The following TRAPPC5 variants were observed in gnomAD, a reference collection of about 807,000 sequenced individuals.
TRAPPC5 encodes the protein trafficking protein particle complex 5.
TRAPPC5 carries 5 observed loss-of-function variants against 9.8 expected under a neutral mutation model. The ratio of observed to expected loss-of-function variants is 0.51; its 90% CI spans 0.27 to 1.07. The LOEUF (loss-of-function observed/expected upper bound fraction) is 1.07, where lower values mean the gene tolerates loss of function less well. Among genes scored for constraint, TRAPPC5 ranks in the 50% least tolerant of loss-of-function variants. The pLI, the probability that TRAPPC5 is intolerant of heterozygous loss-of-function variation, is 0.12. For missense variants in TRAPPC5, 243 were observed against 291.5 expected (o/e 0.83, Z 1.21); for synonymous variants, 146 against 140.7 (o/e 1.04, Z -0.26).
chr19:7,682,184 C>A lies in TRAPPC5; in HGVS notation c.-12-58C>A. ...CCCTCGCGGTTCTCCCTCCTTTCCT[C>A]CCGGCCTGCTCCCCTTCCCATTGCC... On this transcript the variant is annotated intron_variant, in intron 1 of 1. Coordinates refer to ENST00000596148, the MANE Select transcript of TRAPPC5 (RefSeq NM_001042462.2). The surrounding 1 kb of genome is among the most constrained non-coding windows in gnomAD (Gnocchi z 8.6). 7.5e-7 allele frequency: 1 copy of A among 1,339,714 alleles called. No individual in the cohort carries two copies. Among genetic ancestry groups the A allele is most frequent in the Non-Finnish European group, 9.6e-7 (1 of 1,042,054 alleles). The allele number at this position is 1,339,714 out of a possible 1,614,324, so 83.0% of individuals were successfully genotyped here.
Position 7,687,688 on chromosome 19 carries a change from G to A in TRAPPC5, c.*4868G>A, listed in dbSNP as rs920562522. 3.3e-5 allele frequency: 5 copies of A among 152,064 alleles called. No individual in the cohort carries two copies. The highest frequency in any genetic ancestry group is 7.4e-5 in the Non-Finnish European group (5 of 68,020). The allele number at this position is 152,064 out of a possible 1,614,324, so 9.4% of individuals were successfully genotyped here. Reference sequence around the variant, plus strand: ...TCATAGAGCAGGAAAAAATAAAAACGGGAGATCGAATTCTACTTCAGTTGC... The same window carrying A: ...TCATAGAGCAGGAAAAAATAAAAACAGGAGATCGAATTCTACTTCAGTTGC... On this transcript the variant is annotated 3_prime_UTR_variant, in exon 2 of 2. Coordinates refer to ENST00000596148, the MANE Select transcript of TRAPPC5 (RefSeq NM_001042462.2).
At position 7,687,164 on chromosome 19, in the gene TRAPPC5, G is replaced by C. The variant is rs912115602; in HGVS notation, c.*4344G>C. On this transcript the variant is annotated 3_prime_UTR_variant, in exon 2 of 2. Coordinates refer to ENST00000596148, the MANE Select transcript of TRAPPC5 (RefSeq NM_001042462.2). Reference sequence around the variant, plus strand: ...CCGGGCGGAGGTGACTGCTCCAGTCGAGGCAGTGGCAGAAGGGGTGAGCAG... The same window carrying C: ...CCGGGCGGAGGTGACTGCTCCAGTCCAGGCAGTGGCAGAAGGGGTGAGCAG... 5.9e-5 allele frequency: 9 copies of C among 152,586 alleles called. No homozygotes were observed. Among genetic ancestry groups the C allele is most frequent in the Admixed American group, 5.9e-4 (9 of 15,274 alleles). 9.5% of individuals were successfully genotyped at this position (152,586 alleles called of 1,614,324 possible).
Position 7,684,265 on chromosome 19 carries a change from G to C in TRAPPC5, c.*1445G>C, listed in dbSNP as rs187101812. ...TAGGGTATCAGAATCACCAGGAGGGGCCACGTGCGGTGGCTCACGCCTGTA... is the reference window on the plus strand; with the variant it reads ...TAGGGTATCAGAATCACCAGGAGGGCCCACGTGCGGTGGCTCACGCCTGTA... On this transcript the variant is annotated 3_prime_UTR_variant, in exon 2 of 2. Transcript: ENST00000596148. 7.2e-5 allele frequency: 11 copies of C among 152,376 alleles called. No individual in the cohort carries two copies. The highest frequency in any genetic ancestry group is 2.6e-4 in the African/African-American group (11 of 41,570). 9.4% of individuals were successfully genotyped at this position (152,376 alleles called of 1,614,324 possible). A position where few individuals can be genotyped will look rare whatever the true frequency, so the allele number is the denominator to read the frequency against.
Position 7,686,209 on chromosome 19 carries a change from G to A in TRAPPC5, c.*3389G>A, listed in dbSNP as rs542629038. 2 of 152,532 alleles carry A rather than the reference G, an allele frequency of 1.3e-5. No homozygotes were observed. The highest frequency in any genetic ancestry group is 2.1e-4 in the South Asian group (1 of 4,834). The allele number at this position is 152,532 out of a possible 1,614,324, so 9.4% of individuals were successfully genotyped here. Reference sequence around the variant, plus strand: ...ACCGGCCACCGAGGGTGAGTTAGGGGGCTTGAGGAGAAGGGAAAACGTTTG... The same window carrying A: ...ACCGGCCACCGAGGGTGAGTTAGGGAGCTTGAGGAGAAGGGAAAACGTTTG... On this transcript the variant is annotated 3_prime_UTR_variant, in exon 2 of 2. Transcript: ENST00000596148.
chr19:7,687,006 A>G lies in TRAPPC5; in HGVS notation c.*4186A>G, dbSNP rs36042114. 0.067 allele frequency: 10,141 copies of G among 151,954 alleles called. 374 individuals are homozygous for G. The highest frequency in any genetic ancestry group is 0.082 in the Non-Finnish European group (5,597 of 68,072). 9.4% of individuals were successfully genotyped at this position (151,954 alleles called of 1,614,324 possible). A position where few individuals can be genotyped will look rare whatever the true frequency, so the allele number is the denominator to read the frequency against. ...TGCCCAGGCTGGCCTCAAACTCCTGAACTCAAGCAGTCCTCCCACCTCAGC... is the reference window on the plus strand; with the variant it reads ...TGCCCAGGCTGGCCTCAAACTCCTGGACTCAAGCAGTCCTCCCACCTCAGC... On this transcript the variant is annotated 3_prime_UTR_variant, in exon 2 of 2. Coordinates refer to ENST00000596148, the MANE Select transcript of TRAPPC5 (RefSeq NM_001042462.2).
Position 7,683,057 on chromosome 19 carries a change from A to G in TRAPPC5, c.*237A>G. 2 of 549,752 alleles carry G rather than the reference A, an allele frequency of 3.6e-6. No individual in the cohort carries two copies. Among genetic ancestry groups the G allele is most frequent in the Admixed American group, 6.7e-5 (2 of 29,744 alleles). The allele number at this position is 549,752 out of a possible 1,614,324, so 34.1% of individuals were successfully genotyped here. ...ACCCGGCAAAAGGAGTTGGTGGGAA[A>G]TGCTGGCAGGTTCTGGAATCACGGT... is the stretch of plus-strand genomic sequence containing the variant. On this transcript the variant is annotated 3_prime_UTR_variant, in exon 2 of 2. Coordinates refer to ENST00000596148, the MANE Select transcript of TRAPPC5 (RefSeq NM_001042462.2).
chr19:7,682,586 C>T lies in TRAPPC5; in HGVS notation c.333C>T (p.Asp111=), dbSNP rs770497507. The T allele has an allele frequency of 2.5e-6, 4 of 1,612,400 alleles. No homozygotes were observed. The highest frequency in any genetic ancestry group is 1.6e-4 in the Middle Eastern group (1 of 6,084). The change falls in exon 2 of 2, where the codon GAC becomes GAT. Residue 111 remains aspartate, a synonymous_variant. Transcript: ENST00000596148. The surrounding 1 kb of genome is among the most constrained non-coding windows in gnomAD (Gnocchi z 8.6). Reference sequence around the variant, plus strand: ...ACAAGCTGGAGCAGGCCAACGATGACGCGCGCACCTTCTACATCATCGAGC... The same window carrying T: ...ACAAGCTGGAGCAGGCCAACGATGATGCGCGCACCTTCTACATCATCGAGC... ...EADKLEQAND[D]ARTFYIIERE...
Position 7,683,162 on chromosome 19 carries a change from G to T in TRAPPC5, c.*342G>T. On this transcript the variant is annotated 3_prime_UTR_variant, in exon 2 of 2. Coordinates refer to ENST00000596148, the MANE Select transcript of TRAPPC5 (RefSeq NM_001042462.2). ...TGAGACAGACGCCTTTAGACTGGGGGTGGGCAAACTGCGCAAAGTGCCAGA... is the reference window on the plus strand; with the variant it reads ...TGAGACAGACGCCTTTAGACTGGGGTTGGGCAAACTGCGCAAAGTGCCAGA... The T allele has an allele frequency of 3.2e-6, 1 of 310,732 alleles. No individual in the cohort carries two copies. 19.2% of individuals were successfully genotyped at this position (310,732 alleles called of 1,614,324 possible).
At position 7,681,194 on chromosome 19, in the gene TRAPPC5, G is replaced by A. The variant is rs1243294542; in HGVS notation, c.-13+316G>A. 1 of 152,356 alleles carries A rather than the reference G, an allele frequency of 6.6e-6. No homozygotes were observed. The highest frequency in any genetic ancestry group is 1.5e-5 in the Non-Finnish European group (1 of 68,188). 9.4% of individuals were successfully genotyped at this position (152,356 alleles called of 1,614,324 possible). A position where few individuals can be genotyped will look rare whatever the true frequency, so the allele number is the denominator to read the frequency against. Reference sequence around the variant, plus strand: ...CGCCACGGACGGATCTGCATGCTGGGGCGGGGGCGGCCCGGAGCCCCTGGG... The same window carrying A: ...CGCCACGGACGGATCTGCATGCTGGAGCGGGGGCGGCCCGGAGCCCCTGGG... On this transcript the variant is annotated intron_variant, in intron 1 of 1. Transcript: ENST00000596148. The surrounding 1 kb of genome is among the most constrained non-coding windows in gnomAD (Gnocchi z 8.7).
chr19:7,685,962 T>C lies in TRAPPC5; in HGVS notation c.*3142T>C. The C allele has an allele frequency of 6.6e-6, 1 of 152,396 alleles. No individual in the cohort carries two copies. The highest frequency in any genetic ancestry group is 1.5e-5 in the Non-Finnish European group (1 of 68,234). The allele number at this position is 152,396 out of a possible 1,614,324, so 9.4% of individuals were successfully genotyped here. A position where few individuals can be genotyped will look rare whatever the true frequency, so the allele number is the denominator to read the frequency against. On this transcript the variant is annotated 3_prime_UTR_variant, in exon 2 of 2. Coordinates refer to ENST00000596148, the MANE Select transcript of TRAPPC5 (RefSeq NM_001042462.2). ...GAACATGGTGTCTGAGAAGCTGGATTTCAGAGCAAAATGCAGGACGCTTTG... is the reference window on the plus strand; with the variant it reads ...GAACATGGTGTCTGAGAAGCTGGATCTCAGAGCAAAATGCAGGACGCTTTG...
In TRAPPC5 at chr19:7,682,332, A is replaced by AGCGC; in HGVS notation, c.80_83dup (p.Phe29ArgfsTer52). On this transcript the variant is annotated frameshift_variant, in exon 2 of 2. Transcript: ENST00000596148. LOFTEE classifies it high-confidence loss of function. The surrounding 1 kb of genome is among the most constrained non-coding windows in gnomAD (Gnocchi z 8.6). The stretch of plus-strand genomic sequence containing the variant: ...GCGGCCGCGCACCGAGGTGAGCCTG[A>AGCGC]GCGCCTTCGCACTGCTGTTCTCCGA... 2 of 1,543,232 alleles carry AGCGC rather than the reference A, an allele frequency of 1.3e-6. No individual in the cohort carries two copies. The highest frequency in any genetic ancestry group is 1.7e-6 in the Non-Finnish European group (2 of 1,148,480).
At position 7,683,406 on chromosome 19, in the gene TRAPPC5, G is replaced by A. The variant is rs928025162; in HGVS notation, c.*586G>A. Reference sequence around the variant, plus strand: ...GGCTAATTTTTGTATTTTTAGTAGAGATGGGGTTTCACCATGTTGGTCAGG... The same window carrying A: ...GGCTAATTTTTGTATTTTTAGTAGAAATGGGGTTTCACCATGTTGGTCAGG... On this transcript the variant is annotated 3_prime_UTR_variant, in exon 2 of 2. Coordinates refer to ENST00000596148, the MANE Select transcript of TRAPPC5 (RefSeq NM_001042462.2). 6.5e-6 allele frequency: 1 copy of A among 152,672 alleles called. No homozygotes were observed. The highest frequency in any genetic ancestry group is 1.5e-5 in the Non-Finnish European group (1 of 68,598). The allele number at this position is 152,672 out of a possible 1,614,324, so 9.5% of individuals were successfully genotyped here.
In TRAPPC5 at chr19:7,682,664, C is replaced by T; in HGVS notation, c.411C>T (p.Leu137=). 6.2e-7 allele frequency: 1 copy of T among 1,613,954 alleles called. No homozygotes were observed. The highest frequency in any genetic ancestry group is 8.5e-7 in the Non-Finnish European group (1 of 1,179,980). ...YISVPKENST[L]NCASFTAGIV... ...CCGTGCCCAAGGAGAACAGCACGCT[C>T]AACTGCGCCAGCTTCACGGCGGGCA... Residue 137 remains leucine (L), a synonymous_variant, in exon 2 of 2, where the codon CTC becomes CTT. Transcript: ENST00000596148. This position sits in a 1 kb window ranked among gnomAD's most constrained non-coding sequence, Gnocchi z 8.6.
rs1462751783 is a variant in TRAPPC5, at chr19:7,682,803, G to T, written c.550G>T (p.Ala184Ser). Reference protein sequence around the residue: ...FEEAVIARDRALEGR With the variant: ...FEEAVIARDRSLEGR ...GGAGGCAGTCATCGCTCGAGACCGG[G>T]CCCTGGAGGGCCGCTGACCCTGCCG... The change falls in exon 2 of 2, where the codon GCC (alanine) becomes TCC (serine). Residue 184 changes from alanine to serine, a missense_variant. This residue lies in a region of TRAPPC5 where 154 missense variants were observed against 215.8 expected (regional missense o/e 0.71). Coordinates refer to ENST00000596148, the MANE Select transcript of TRAPPC5 (RefSeq NM_001042462.2). This position sits in a 1 kb window ranked among gnomAD's most constrained non-coding sequence, Gnocchi z 8.6. 6.3e-7 allele frequency: 1 copy of T among 1,598,392 alleles called. No individual in the cohort carries two copies. The highest frequency in any genetic ancestry group is 8.5e-7 in the Non-Finnish European group (1 of 1,171,132).
rs1243788341 is a variant in TRAPPC5, at chr19:7,681,157, G to C, written c.-13+279G>C. 1 of 152,310 alleles carries C rather than the reference G, an allele frequency of 6.6e-6. No individual in the cohort carries two copies. The highest frequency in any genetic ancestry group is 1.5e-5 in the Non-Finnish European group (1 of 68,176). The allele number at this position is 152,310 out of a possible 1,614,324, so 9.4% of individuals were successfully genotyped here. A position where few individuals can be genotyped will look rare whatever the true frequency, so the allele number is the denominator to read the frequency against. On this transcript the variant is annotated intron_variant, in intron 1 of 1. Coordinates refer to ENST00000596148, the MANE Select transcript of TRAPPC5 (RefSeq NM_001042462.2). The surrounding 1 kb of genome is among the most constrained non-coding windows in gnomAD (Gnocchi z 8.7). ...TAACGATCCCTCTCCCATCTCGCGCGCCCAGGGCCCTCGCCACGGACGGAT... is the reference window on the plus strand; with the variant it reads ...TAACGATCCCTCTCCCATCTCGCGCCCCCAGGGCCCTCGCCACGGACGGAT...
At position 7,682,966 on chromosome 19, in the gene TRAPPC5, AGTGGGGGCGG is replaced by A; in HGVS notation, c.*149_*158del. 1.1e-6 allele frequency: 1 copy of A among 905,794 alleles called. No individual in the cohort carries two copies. The highest frequency in any genetic ancestry group is 1.8e-5 in the South Asian group (1 of 56,266). The allele number at this position is 905,794 out of a possible 1,614,324, so 56.1% of individuals were successfully genotyped here. On this transcript the variant is annotated 3_prime_UTR_variant, in exon 2 of 2. Coordinates refer to ENST00000596148, the MANE Select transcript of TRAPPC5 (RefSeq NM_001042462.2). This position sits in a 1 kb window ranked among gnomAD's most constrained non-coding sequence, Gnocchi z 8.6. ...CCAGGTCCGAATGTGTTTACAGTAG[AGTGGGGGCGG>A]GTCTGGCCATAGGGTTGGGGGGTTG...
Position 7,685,791 on chromosome 19 carries a change from T to G in TRAPPC5, c.*2971T>G, listed in dbSNP as rs1280203592. 1.3e-5 allele frequency: 2 copies of G among 152,524 alleles called. No individual in the cohort carries two copies. Among genetic ancestry groups the G allele is most frequent in the Admixed American group, 1.3e-4 (2 of 15,262 alleles). The allele number at this position is 152,524 out of a possible 1,614,324, so 9.4% of individuals were successfully genotyped here. On this transcript the variant is annotated 3_prime_UTR_variant, in exon 2 of 2. Transcript: ENST00000596148. ...CCGGGAGAGGGCTTGGGCAGGATGA[T>G]AGCCTGAATCTGGAATGAGGGGGAG...
chr19:7,681,084 G>C lies in TRAPPC5; in HGVS notation c.-13+206G>C, dbSNP rs1249396172. 1 of 152,266 alleles carries C rather than the reference G, an allele frequency of 6.6e-6. No individual in the cohort carries two copies. Among genetic ancestry groups the C allele is most frequent in the Non-Finnish European group, 1.5e-5 (1 of 68,162 alleles). 9.4% of individuals were successfully genotyped at this position (152,266 alleles called of 1,614,324 possible). On this transcript the variant is annotated intron_variant, in intron 1 of 1. Coordinates refer to ENST00000596148, the MANE Select transcript of TRAPPC5 (RefSeq NM_001042462.2). This position sits in a 1 kb window ranked among gnomAD's most constrained non-coding sequence, Gnocchi z 8.7. ...GAGGGTCGCGGGGCCCTGACCCTAC[G>C]GCAGTTCAGCTCACTTCAGCCCCCA...
Position 7,682,771 on chromosome 19 carries a change from A to T in TRAPPC5, c.518A>T (p.Lys173Met). ...CACAAGGGCACCACGCTCATGATCA[A>T]GTTCGAGGAGGCAGTCATCGCTCGA... The part of the protein sequence containing the change: ...HWHKGTTLMI[K>M]FEEAVIARDR... Residue 173 changes from lysine to methionine, a missense_variant, in exon 2 of 2, where the codon AAG becomes ATG. Physicochemically the swap from Lys to Met is moderately conservative, Grantham distance 95. Coordinates refer to ENST00000596148, the MANE Select transcript of TRAPPC5 (RefSeq NM_001042462.2). This position sits in a 1 kb window ranked among gnomAD's most constrained non-coding sequence, Gnocchi z 8.6. The T allele has an allele frequency of 6.2e-7, 1 of 1,610,768 alleles. No individual in the cohort carries two copies. Among genetic ancestry groups the T allele is most frequent in the Non-Finnish European group, 8.5e-7 (1 of 1,178,350 alleles).
Sources: gnomAD v4.1 joint callset for allele counts on GRCh38, gnomAD v4.1.1 for gene constraint, gnomAD v4.1.1 regional missense constraint, Gnocchi (gnomAD v3.1) non-coding constraint, MANE v1.5 for transcripts, NCBI Gene and HGNC (gene_info 2026-07-23, HGNC 2026-07-21) for gene names.